Variants in FNIP2 observed in about 807,000 individuals in gnomAD.
The protein encoded by FNIP2 is folliculin interacting protein 2.
A neutral mutation model predicts 108.7 loss-of-function variants in FNIP2; 32 were observed. That is an observed-to-expected ratio of 0.29 (90% confidence interval 0.22 to 0.40). FNIP2 has a LOEUF of 0.40. Among genes scored for constraint, FNIP2 ranks in the 10% least tolerant of loss-of-function variants. FNIP2 has a pLI of 1.00. For synonymous variants in FNIP2, 480 were observed against 496.7 expected (o/e 0.97, Z 0.45); for missense variants, 1,202 against 1,381.6 (o/e 0.87, Z 2.06).
At chr4:158,901,692 CATT>C (rs573571440) in intron 16 of FNIP2, among the ~76,000 whole-genome samples, 87 of 151,410 alleles carry the variant, frequency 5.7e-4, no homozygotes, top group African/African-American at 2.1e-3. Context: ...CGTTTGTTTT[CATT>C]TTTTCTGTAA....
chr4:158,881,496 G>A (rs1245534159), intron 14 of FNIP2, among the ~76,000 whole-genome samples: 1 of 148,610 alleles, frequency 6.7e-6, no homozygotes, highest in East Asian at 2.0e-4. Flanking sequence ...TCCCTCTGAT[G>A]CTGAGCCGAA....
chr4:158,814,915 C>T (rs1777479151), intron 1 of FNIP2, among the ~76,000 whole-genome samples: 1 of 152,164 alleles, frequency 6.6e-6, no homozygotes, highest in African/African-American at 2.4e-5. Context: ...TGTCTTAAAG[C>T]AATGATAGAT....
chr4:158,818,049 T>C (rs965360824), intron 1 of FNIP2, among the ~76,000 whole-genome samples: 7 of 152,254 alleles, frequency 4.6e-5, no homozygotes, highest in African/African-American at 1.7e-4. Context: ...TCATCTGTTT[T>C]AGAGTTTCAC....
At chr4:158,872,412 T>C in intron 14 of FNIP2, 1 of 985,450 alleles carries the variant, frequency 1.0e-6, no homozygotes, top group Non-Finnish European at 1.2e-6. Flanking sequence ...TTTTCGTATT[T>C]CATTTTCCCT....
chr4:158,844,910 T>C (rs1192731581), intron 7 of FNIP2, among the ~76,000 whole-genome samples: 2 of 152,238 alleles, frequency 1.3e-5, no homozygotes, highest in Non-Finnish European at 1.5e-5. Flanking sequence ...TTGATTCTCT[T>C]TTCTTGTTGT....
At chr4:158,891,332 A>G (rs893807342) in intron 14 of FNIP2, 114 bp from the exon 15 acceptor site, 23 of 967,278 alleles carry the variant, frequency 2.4e-5, no homozygotes, top group Non-Finnish European at 3.2e-5. Context: ...TGCTCTATCC[A>G]TAACTGCCTG....
rs1043614717 is a variant in FNIP2, at chr4:158,864,250, T to C, written c.1465+2474T>C. On this transcript the variant is annotated intron_variant, in intron 12 of 16. Coordinates refer to ENST00000264433, the MANE Select transcript of FNIP2 (RefSeq NM_020840.3). ...ATGTTTTGCAGGCTGGTCGCTGGTC[T>C]TGAACTGGGCTCAAGCGATCCAACT... Among the ~76,000 whole-genome samples, 4 of 152,220 alleles carry C rather than the reference T, an allele frequency of 2.6e-5. No homozygotes were observed. The East Asian group carries it at 7.7e-4, about 29-fold the overall frequency.
chr4:158,898,760 T>C (rs1286888448), intron 16 of FNIP2, among the ~76,000 whole-genome samples: 1 of 152,236 alleles, frequency 6.6e-6, no homozygotes, highest in Non-Finnish European at 1.5e-5. Context: ...TTTCCAAATA[T>C]ACAATCATGT....
At chr4:158,773,197 A>G (rs1775753684) in intron 1 of FNIP2, among the ~76,000 whole-genome samples, 1 of 152,212 alleles carries the variant, frequency 6.6e-6, no homozygotes, top group Admixed American at 6.5e-5. Flanking sequence ...TCTTTTGACT[A>G]CTTTCTAAAA....
chr4:158,830,210 G>A (rs922882744), intron 3 of FNIP2, among the ~76,000 whole-genome samples: 58 of 151,190 alleles, frequency 3.8e-4, no homozygotes, highest in African/African-American at 1.4e-3. Flanking sequence ...TAACGAGAGA[G>A]AGGAACCTAG....
At chr4:158,885,217 A>T (rs1050628624) in intron 14 of FNIP2, among the ~76,000 whole-genome samples, 1 of 152,008 alleles carries the variant, frequency 6.6e-6, no homozygotes, top group Non-Finnish European at 1.5e-5. Context: ...CATGGGGGAA[A>T]TTGCCCCATG....
intron 1 of FNIP2, among the ~76,000 whole-genome samples, chr4:158,776,524 TATC>T (rs1315594260): frequency 6.6e-6 from 1 of 152,260 alleles, no homozygotes; most frequent in Non-Finnish European, 1.5e-5. Context: ...AAAAGTATGT[TATC>T]ATTCATTTCT....
At chr4:158,896,495 C>T (rs867237946) in intron 16 of FNIP2, among the ~76,000 whole-genome samples, 6 of 152,130 alleles carry the variant, frequency 3.9e-5, no homozygotes, top group Non-Finnish European at 8.8e-5. Flanking sequence ...AGACATTGTA[C>T]ATTTGGGGAA....
chr4:158,818,758 A>G (rs2126536780), intron 1 of FNIP2, among the ~76,000 whole-genome samples: 1 of 152,362 alleles, frequency 6.6e-6, no homozygotes, highest in Admixed American at 6.5e-5. Flanking sequence ...ACAGCTTTAA[A>G]AGTGCTTTCA....
chr4:158,855,986 A>G (rs1295907002), intron 8 of FNIP2, among the ~76,000 whole-genome samples: 1 of 152,188 alleles, frequency 6.6e-6, no homozygotes, highest in African/African-American at 2.4e-5. Flanking sequence ...ACTTTATTCT[A>G]TAAAATAGAA....
Position 158,868,312 on chromosome 4 carries a change from A to G in FNIP2, c.1676A>G (p.Lys559Arg), listed in dbSNP as rs1357225565. 1 of 1,613,958 alleles carries G rather than the reference A, an allele frequency of 6.2e-7. No homozygotes were observed. Among genetic ancestry groups the G allele is most frequent in the Admixed American group, 1.7e-5 (1 of 60,010 alleles). The change falls in exon 13 of 17, where the codon AAA (lysine) becomes AGA (arginine). Residue 559 changes from lysine (K) to arginine (R), a missense_variant. Around this residue, in one of 5 missense-constraint regions of FNIP2, gnomAD observed 878 missense variants for 990.3 expected, o/e 0.89. Transcript: ENST00000264433. This position sits in a 1 kb window ranked among gnomAD's most constrained non-coding sequence, Gnocchi z 4.6. ...NGSKIITALE[K>R]GEVEESEYVV... The stretch of plus-strand genomic sequence containing the variant: ...AGCAAGATCATAACAGCCTTGGAGA[A>G]AGGAGAGGTGGAGGAGTCTGAGTAT...
chr4:158,818,081 AAAGG>A (rs1329585132), intron 1 of FNIP2, among the ~76,000 whole-genome samples: 2 of 152,246 alleles, frequency 1.3e-5, no homozygotes, highest in Non-Finnish European at 2.9e-5. Context: ...CTGAACTCAG[AAAGG>A]AAGGAAGAAA....
At chr4:158,888,351 A>G (rs1782124931) in intron 14 of FNIP2, among the ~76,000 whole-genome samples, 1 of 152,198 alleles carries the variant, frequency 6.6e-6, no homozygotes, top group South Asian at 2.1e-4. Context: ...TCAGCAATCC[A>G]TGCTGTAAGG....
chr4:158,829,088 G>C lies in FNIP2; in HGVS notation c.244G>C (p.Asp82His). The C allele has an allele frequency of 1.2e-6, 2 of 1,608,506 alleles. No homozygotes were observed. The highest frequency in any genetic ancestry group is 1.7e-6 in the Non-Finnish European group (2 of 1,177,416). ...GTCTCTCTTAACCTAGAAAACAGAG[G>C]ATGTTCCTATTAAAATATCAGCCAA... Reference protein sequence around the residue: ...IEEVTAQKTEDVPIKISAKCC... With the variant: ...IEEVTAQKTEHVPIKISAKCC... The change falls in exon 3 of 17, where the codon GAT becomes CAT. Residue 82 changes from aspartate (D) to histidine (H), a missense_variant. By Grantham distance (81) the Asp-to-His change is moderately conservative (BLOSUM62 -1). This residue lies in a region of FNIP2 where 173 missense variants were observed against 165.9 expected (regional missense o/e 1.04). Coordinates refer to ENST00000264433, the MANE Select transcript of FNIP2 (RefSeq NM_020840.3).
Sources: allele counts gnomAD v4.1 joint callset (sites outside exome capture counted in the v4.1 genomes callset), GRCh38; gene constraint gnomAD v4.1.1; regional missense constraint gnomAD v4.1.1; non-coding constraint Gnocchi (gnomAD v3.1); transcripts MANE v1.5; gene names NCBI Gene and HGNC (gene_info 2026-07-23, HGNC 2026-07-21).